The following EYS variants were observed in gnomAD, a reference collection of about 807,000 sequenced individuals.
EYS encodes protein eyes shut homolog.
In EYS, 250 loss-of-function variants were observed where a neutral mutation model predicts 282.1. That is an observed-to-expected ratio of 0.89 (90% CI 0.80 to 0.98). The LOEUF (loss-of-function observed/expected upper bound fraction) is 0.98, where lower values mean the gene tolerates loss of function less well. Ranked by LOEUF, EYS falls within the 50% of genes least tolerant of loss-of-function variation. The pLI is 0.00. For missense variants in EYS, 4,016 were observed against 3,709.0 expected, an observed-to-expected ratio of 1.08 and a Z score of -2.15; for synonymous variants, 1,355 against 1,282.9, an observed-to-expected ratio of 1.06 and a Z score of -1.20.
At chr6:65,686,241 T>C (rs1769009409) in intron 1 of EYS, among the ~76,000 whole-genome samples, 1 of 152,048 alleles carries the variant, frequency 6.6e-6, no homozygotes, top group Admixed American at 6.6e-5. Context: ...TCTCTGGCGT[T>C]CTTCCCGGCT....
Position 65,494,888 on chromosome 6 carries a change from G to C in EYS, c.523C>G (p.Gln175Glu). 3 of 1,613,974 alleles carry C rather than the reference G, an allele frequency of 1.9e-6. No homozygotes were observed. The highest frequency in any genetic ancestry group is 2.5e-6 in the Non-Finnish European group (3 of 1,179,900). ...CAAAATTCTGAACTCAGAGATTCCT[G>C]GCAGAACTGCTGTTTCACTGTCACA... ...LNVTVKQQFC[Q>E]ESLSSEFCSG... is the part of the protein sequence containing the mutation. The change falls in exon 4 of 43, where the codon CAG becomes GAG. Residue 175 changes from glutamine (Q) to glutamate (E), a missense_variant. Transcript: ENST00000503581.
chr6:64,346,355 T>C (rs1771392919), intron 29 of EYS, among the ~76,000 whole-genome samples: 1 of 152,018 alleles, frequency 6.6e-6, no homozygotes, highest in Non-Finnish European at 1.5e-5. Flanking sequence ...ATACACACCA[T>C]GGAATACTAT....
intron 5 of EYS, among the ~76,000 whole-genome samples, chr6:65,441,711 A>AAGTCAAC (rs1768335594): frequency 2.0e-5 from 3 of 152,120 alleles, no homozygotes; most frequent in Admixed American, 2.0e-4. Context: ...AAAGTAAGCA[A>AAGTCAAC]AGTCAACCTA....
chr6:65,152,805 A>C lies in EYS; in HGVS notation c.2024-95078T>G, dbSNP rs73439493. Among the ~76,000 whole-genome samples the C allele has an allele frequency of 5.3e-3, 808 of 151,690 alleles. 7 individuals carry two copies. Among genetic ancestry groups the C allele is most frequent in the African/African-American group, 0.018 (757 of 41,460 alleles). On this transcript the variant is annotated intron_variant, in intron 12 of 42. Coordinates refer to ENST00000503581, the MANE Select transcript of EYS (RefSeq NM_001142800.2). ...ATAGATAAAACAATGTAAAATAAAA[A>C]ATGATAATTTTAATATTATTCATTA...
chr6:64,000,170 T>A (rs1157653233), intron 33 of EYS, among the ~76,000 whole-genome samples: 2 of 24,624 alleles, frequency 8.1e-5, no homozygotes, highest in African/African-American at 6.8e-4. Flanking sequence ...ACATGGGACT[T>A]TTTTTTTTTT....
At chr6:63,762,384 A>T in intron 41 of EYS, 77 bp downstream of exon 41, 1 of 1,399,562 alleles carries the variant, frequency 7.1e-7, no homozygotes. Context: ...TTTACTTCTC[A>T]AAAAGAAAAC....
chr6:65,412,288 A>G (rs745437698), intron 5 of EYS, among the ~76,000 whole-genome samples: 16 of 152,142 alleles, frequency 1.1e-4, no homozygotes, highest in Non-Finnish European at 2.1e-4. Flanking sequence ...ACTGACTAAG[A>G]CACAAATAAA....
At chr6:64,951,313 A>AAAAAAC (rs1241066035) in intron 14 of EYS, among the ~76,000 whole-genome samples, 20 of 152,080 alleles carry the variant, frequency 1.3e-4, no homozygotes, top group African/African-American at 4.1e-4. Flanking sequence ...AAAACCAGCA[A>AAAAAAC]AAAAACAAAA....
In EYS at chr6:65,042,866, A is replaced by T. The variant is rs571208787; in HGVS notation, c.2137+14748T>A. On this transcript the variant is annotated intron_variant, in intron 13 of 42. Transcript: ENST00000503581. ...TAATATTTATTTTATTAAAATTATT[A>T]TATATATGTTTACGAGATACTTTAA... Among the ~76,000 whole-genome samples, 4 of 151,236 alleles carry T rather than the reference A, an allele frequency of 2.6e-5. No individual in the cohort carries two copies. The South Asian group carries it at 8.3e-4, about 31-fold the overall frequency.
In EYS at chr6:64,021,639, C is replaced by T. The variant is rs914239476; in HGVS notation, c.6726-22456G>A. ...ACAATGGATGAATTGAAAAGATTAT[C>T]ATATGTTGTAACATTTTTCTATTTG... On this transcript the variant is annotated intron_variant, in intron 33 of 42. Transcript: ENST00000503581. Among the ~76,000 whole-genome samples the T allele has an allele frequency of 3.3e-5, 5 of 152,234 alleles. 1 individual carries two copies. The highest frequency in any genetic ancestry group is 2.0e-4 in the Admixed American group (3 of 15,280).
chr6:65,575,416 T>C (rs1361537631), intron 2 of EYS, among the ~76,000 whole-genome samples: 2 of 151,246 alleles, frequency 1.3e-5, no homozygotes, highest in South Asian at 4.2e-4. Flanking sequence ...AAACACAACA[T>C]ATTCAAAATT....
Position 64,850,828 on chromosome 6 carries a change from G to A in EYS, c.2993-28006C>T, listed in dbSNP as rs559160796. 3.3e-5 allele frequency among the ~76,000 whole-genome samples: 5 copies of A among 152,148 alleles called. No individual in the cohort carries two copies. The East Asian group carries it at 5.8e-4, about 18-fold the overall frequency. On this transcript the variant is annotated intron_variant, in intron 19 of 42. Coordinates refer to ENST00000503581, the MANE Select transcript of EYS (RefSeq NM_001142800.2). Reference sequence around the variant, plus strand: ...TCAGATAGAATATTAGACTAGTTTTGTGGTAATAGAGATAGACATGATTTA... The same window carrying A: ...TCAGATAGAATATTAGACTAGTTTTATGGTAATAGAGATAGACATGATTTA...
At position 65,356,900 on chromosome 6, in the gene EYS, G is replaced by GAC. The variant is rs1198885245; in HGVS notation, c.1300-3285_1300-3284dup. ...CCTTGTGTGTTCATGTGAGGATGCT[G>GAC]ACACACACACACATTTCACAGCACC... On this transcript the variant is annotated intron_variant, in intron 8 of 42. Coordinates refer to ENST00000503581, the MANE Select transcript of EYS (RefSeq NM_001142800.2). Among the ~76,000 whole-genome samples, 12 of 151,990 alleles carry GAC rather than the reference G, an allele frequency of 7.9e-5. No homozygotes were observed. The East Asian group carries it at 1.7e-3, about 22-fold the overall frequency.
chr6:65,473,624 C>T (rs994677158), intron 5 of EYS, among the ~76,000 whole-genome samples: 3 of 151,798 alleles, frequency 2.0e-5, no homozygotes, highest in Non-Finnish European at 4.4e-5. Flanking sequence ...ATTTTAGATA[C>T]AAGATCTAAC....
At chr6:65,608,465 C>G (rs1475407276) in intron 2 of EYS, among the ~76,000 whole-genome samples, 4 of 151,956 alleles carry the variant, frequency 2.6e-5, no homozygotes, top group African/African-American at 4.8e-5. Context: ...GTATACTTCA[C>G]AAACACTGTA....
intron 34 of EYS, among the ~76,000 whole-genome samples, chr6:63,984,883 A>T (rs1421716477): frequency 2.6e-5 from 4 of 151,538 alleles, no homozygotes; most frequent in South Asian, 2.1e-4. Context: ...TTACTTTGAA[A>T]TTTTTTTTGA....
intron 26 of EYS, among the ~76,000 whole-genome samples, chr6:64,477,542 C>T (rs1776311027): frequency 6.6e-6 from 1 of 152,074 alleles, no homozygotes; most frequent in Admixed American, 6.6e-5. Flanking sequence ...CTTTTCTTTC[C>T]ACATGGCCCG....
At chr6:64,072,433 T>C (rs1771616768) in intron 32 of EYS, among the ~76,000 whole-genome samples, 1 of 151,894 alleles carries the variant, frequency 6.6e-6, no homozygotes, top group Non-Finnish European at 1.5e-5. Flanking sequence ...TCCCATGGCT[T>C]CCTATTCAGC....
At chr6:65,329,533 T>G in intron 11 of EYS, 6 of 983,108 alleles carry the variant, frequency 6.1e-6, no homozygotes, top group Non-Finnish European at 6.0e-6. Context: ...AACCCAAAAA[T>G]ACATTCAATA....
Sources: gnomAD v4.1 joint callset for allele counts (sites outside exome capture counted in the v4.1 genomes callset) on GRCh38, gnomAD v4.1.1 for gene constraint, MANE v1.5 for transcripts, NCBI Gene and HGNC (gene_info 2026-07-23, HGNC 2026-07-21) for gene names.